Variants in BNC2 observed in about 807,000 individuals in gnomAD.
BNC2 encodes the protein basonuclin zinc finger protein 2.
In BNC2, 20 loss-of-function variants were observed where a neutral mutation model predicts 76.3. The observed-to-expected ratio is 0.26, with a 90% confidence interval of 0.18 to 0.38. The LOEUF (loss-of-function observed/expected upper bound fraction) is 0.38, where lower values mean the gene tolerates loss of function less well. Ranked by LOEUF, BNC2 falls within the 10% of genes least tolerant of loss-of-function variation. The pLI, the probability that BNC2 is intolerant of heterozygous loss-of-function variation, is 1.00. For synonymous variants in BNC2, 582 were observed against 514.8 expected, an observed-to-expected ratio of 1.13 and a Z score of -1.77; for missense variants, 1,382 against 1,399.8, an observed-to-expected ratio of 0.99 and a Z score of 0.20.
chr9:16,505,142 GTATAAA>G (rs1195925325), intron 5 of BNC2, among the ~76,000 whole-genome samples: 2 of 152,110 alleles, frequency 1.3e-5, no homozygotes, highest in Non-Finnish European at 2.9e-5. Flanking sequence ...GAGATAAAAT[GTATAAA>G]TGAGATAAAA....
intron 1 of BNC2, among the ~76,000 whole-genome samples, chr9:16,751,668 ATGTG>A (rs374747829): frequency 1.6e-4 from 6 of 38,530 alleles, no homozygotes; most frequent in Admixed American, 8.7e-4. Flanking sequence ...ATATGTATGT[ATGTG>A]TATATATATA....
intron 4 of BNC2, among the ~76,000 whole-genome samples, chr9:16,572,155 A>G (rs1819344295): frequency 6.6e-6 from 1 of 152,210 alleles, no homozygotes. Context: ...TATTTCACTC[A>G]AGATCTTATC....
At chr9:16,750,899 C>T (rs533079385) in intron 1 of BNC2, among the ~76,000 whole-genome samples, 6 of 152,204 alleles carry the variant, frequency 3.9e-5, no homozygotes, top group Non-Finnish European at 8.8e-5. Flanking sequence ...ACAGAAGTTT[C>T]TGGGCTAGGG....
intron 3 of BNC2, among the ~76,000 whole-genome samples, chr9:16,667,646 G>C (rs1245080151): frequency 2.6e-5 from 4 of 152,154 alleles, no homozygotes; most frequent in South Asian, 2.1e-4. Context: ...AAATTATTTA[G>C]ATATAATCAA....
At chr9:16,809,980 G>C (rs1818005138) in intron 1 of BNC2, among the ~76,000 whole-genome samples, 1 of 152,056 alleles carries the variant, frequency 6.6e-6, no homozygotes, top group South Asian at 2.1e-4. Context: ...TGATGAGTAA[G>C]AGGCTTCTCT....
rs559736405 is a variant in BNC2 at position 16,543,006 on chromosome 9, T to G, written c.669+9524A>C. Reference sequence around the variant, plus strand: ...ATAGTCACAGAGGATTTCATTCCTGTACAAGTCCCCCTCATCTTCCACTGG... The same window carrying G: ...ATAGTCACAGAGGATTTCATTCCTGGACAAGTCCCCCTCATCTTCCACTGG... On this transcript the variant is annotated intron_variant, in intron 5 of 6. Transcript: ENST00000380672. 7.2e-5 allele frequency among the ~76,000 whole-genome samples: 11 copies of G among 152,238 alleles called. 2 individuals carry two copies. The highest frequency in any genetic ancestry group is 2.4e-4 in the African/African-American group (10 of 41,554).
chr9:16,481,633 A>C (rs931060470), intron 5 of BNC2, among the ~76,000 whole-genome samples: 9 of 152,238 alleles, frequency 5.9e-5, no homozygotes, highest in Non-Finnish European at 1.2e-4. Context: ...CGCTGATATC[A>C]CTGCTAACTT....
chr9:16,470,122 T>G (rs923357121), intron 5 of BNC2, among the ~76,000 whole-genome samples: 5 of 150,906 alleles, frequency 3.3e-5, no homozygotes, highest in Non-Finnish European at 7.4e-5. Flanking sequence ...CTCAGCCTCC[T>G]GAGTAGCTGG....
rs1480662381 is a variant in BNC2, at chr9:16,410,375, C to T, written c.*8614G>A. On this transcript the variant is annotated 3_prime_UTR_variant, in exon 7 of 7. Transcript: ENST00000380672. ...TGAGCTACACATGAAAAGCCCAGGT[C>T]GTCTCAAGCCCAAGTCTTCTCCCCA... 3 of 152,590 alleles carry T rather than the reference C, an allele frequency of 2.0e-5. No individual in the cohort carries two copies. The highest frequency in any genetic ancestry group is 4.8e-5 in the African/African-American group (2 of 41,440). The allele number at this position is 152,590 out of a possible 1,614,324, so 9.5% of individuals were successfully genotyped here.
At chr9:16,857,624 A>C (rs1475896155) in intron 1 of BNC2, among the ~76,000 whole-genome samples, 1 of 152,166 alleles carries the variant, frequency 6.6e-6, no homozygotes, top group African/African-American at 2.4e-5. Flanking sequence ...TTATGTACGT[A>C]AACACTTATG....
chr9:16,777,523 A>AC (rs1826001853), intron 1 of BNC2, among the ~76,000 whole-genome samples: 1 of 152,058 alleles, frequency 6.6e-6, no homozygotes, highest in African/African-American at 2.4e-5. Context: ...ACACAGTGAA[A>AC]CCCCGTCTCC....
intron 3 of BNC2, among the ~76,000 whole-genome samples, chr9:16,609,233 G>A (rs1340082848): frequency 6.6e-6 from 1 of 152,124 alleles, no homozygotes; most frequent in Non-Finnish European, 1.5e-5. Context: ...AGTATTTTGT[G>A]AATGCCTACT....
At chr9:16,644,553 C>A (rs1005102060) in intron 3 of BNC2, among the ~76,000 whole-genome samples, 2 of 151,892 alleles carry the variant, frequency 1.3e-5, no homozygotes, top group African/African-American at 4.8e-5. Flanking sequence ...ATCCCAAATT[C>A]TCTAAAATGT....
chr9:16,830,507 T>C (rs1186576242), intron 1 of BNC2, among the ~76,000 whole-genome samples: 3 of 152,232 alleles, frequency 2.0e-5, no homozygotes, highest in African/African-American at 7.2e-5. Context: ...GAAAATATTC[T>C]ATACTGAAAC....
chr9:16,787,503 A>C (rs1373215111), intron 1 of BNC2, among the ~76,000 whole-genome samples: 1 of 152,130 alleles, frequency 6.6e-6, no homozygotes, highest in Non-Finnish European at 1.5e-5. Flanking sequence ...TTGTGCCTCA[A>C]TTTCCTCACT....
chr9:16,583,751 A>G (rs750276816), intron 3 of BNC2, among the ~76,000 whole-genome samples: 2 of 152,194 alleles, frequency 1.3e-5, no homozygotes, highest in South Asian at 4.1e-4. Flanking sequence ...AAGAAAGAAA[A>G]TAAGTTTAAA....
chr9:16,760,902 G>GTA (rs1484195334), intron 1 of BNC2, among the ~76,000 whole-genome samples: 1 of 152,120 alleles, frequency 6.6e-6, no homozygotes, highest in East Asian at 1.9e-4. Context: ...AAAAAGAAAA[G>GTA]TAGGTAACAA....
intron 5 of BNC2, among the ~76,000 whole-genome samples, chr9:16,508,436 T>C (rs775312195): frequency 1.1e-4 from 16 of 152,136 alleles, no homozygotes; most frequent in Non-Finnish European, 1.9e-4. Context: ...CTATTAATGC[T>C]CAGTAAAAAA....
At chr9:16,629,016 A>T (rs892162420) in intron 3 of BNC2, among the ~76,000 whole-genome samples, 2 of 152,228 alleles carry the variant, frequency 1.3e-5, no homozygotes, top group Non-Finnish European at 2.9e-5. Flanking sequence ...GCAAAAAAGA[A>T]ATACCTACCG....
Sources: allele counts gnomAD v4.1 joint callset (sites outside exome capture counted in the v4.1 genomes callset), GRCh38; gene constraint gnomAD v4.1.1; transcripts MANE v1.5; gene names NCBI Gene and HGNC (gene_info 2026-07-23, HGNC 2026-07-21).